Variants in USP24 observed in about 807,000 individuals in gnomAD.
The protein encoded by USP24 is ubiquitin carboxyl-terminal hydrolase 24.
A neutral mutation model predicts 361.6 loss-of-function variants in USP24; 97 were observed. The observed-to-expected ratio is 0.27, with a 90% confidence interval of 0.23 to 0.32. The LOEUF (loss-of-function observed/expected upper bound fraction) is 0.32, where lower values mean the gene tolerates loss of function less well. Among genes scored for constraint, USP24 ranks in the 10% least tolerant of loss-of-function variants. The pLI is 1.00. For missense variants in USP24, 2,353 were observed against 3,165.6 expected, an observed-to-expected ratio of 0.74 and a Z score of 6.16; for synonymous variants, 1,098 against 1,124.6, an observed-to-expected ratio of 0.98 and a Z score of 0.47.
At chr1:55,091,409 T>G (rs1645373815) in intron 54 of USP24, among the ~76,000 whole-genome samples, 2 of 152,178 alleles carry the variant, frequency 1.3e-5, no homozygotes, top group African/African-American at 4.8e-5. Context: ...AAAAATTGTC[T>G]TCCATGAAAC....
At chr1:55,165,821 T>C in intron 7 of USP24, 64 bp downstream of exon 7, 2 of 1,399,832 alleles carry the variant, frequency 1.4e-6, no homozygotes, top group Admixed American at 2.0e-5. Flanking sequence ...CCATATCCTC[T>C]GGCTGTACAC....
intron 32 of USP24, among the ~76,000 whole-genome samples, chr1:55,129,227 A>G (rs1321700828): frequency 6.6e-6 from 1 of 152,062 alleles, no homozygotes; most frequent in African/African-American, 2.4e-5. Flanking sequence ...CCTGGCTTCT[A>G]CTCTTCTTGA....
intron 1 of USP24, among the ~76,000 whole-genome samples, chr1:55,208,720 G>A (rs569843295): frequency 2.1e-3 from 310 of 151,154 alleles, no homozygotes; most frequent in African/African-American, 7.2e-3. Flanking sequence ...GGCGGATCAC[G>A]AGGTCAGGAG....
intron 39 of USP24, among the ~76,000 whole-genome samples, chr1:55,107,788 GCTGAGATCACGCCA>G (rs992060794): frequency 8.1e-6 from 1 of 123,826 alleles, no homozygotes; most frequent in African/African-American, 3.0e-5. Flanking sequence ...GTTGCAGTGA[GCTGAGATCACGCCA>G]CTGTACTCCA....
chr1:55,147,868 T>C (rs1003141164), intron 17 of USP24, 70 bp from the exon 18 acceptor site: 8 of 1,521,948 alleles, frequency 5.3e-6, no homozygotes, highest in African/African-American at 1.4e-5. Flanking sequence ...TAATACAAGC[T>C]GCTATTTAAA....
rs920697463 is a variant in USP24, at chr1:55,101,761, C to T, written c.5026-58G>A. ...GAAGAATGAGCATTTCTGCCACAGA[C>T]ACATTTACACTATAGCTATGCGGGA... On this transcript the variant is annotated intron_variant, in intron 42 of 67. Coordinates refer to ENST00000294383, the MANE Select transcript of USP24 (RefSeq NM_015306.3). 84 of 1,504,416 alleles carry T rather than the reference C, an allele frequency of 5.6e-5. No individual in the cohort carries two copies. In the Middle Eastern group the frequency reaches 1.2e-3, roughly 22 times the overall value. 93.2% of individuals were successfully genotyped at this position (1,504,416 alleles called of 1,614,324 possible). A position where few individuals can be genotyped will look rare whatever the true frequency, so the allele number is the denominator to read the frequency against.
At chr1:55,122,333 AGCAAGGAGCCCAGGGTG>A (rs931522001) in intron 36 of USP24, among the ~76,000 whole-genome samples, 4 of 152,214 alleles carry the variant, frequency 2.6e-5, no homozygotes, top group African/African-American at 7.2e-5. Context: ...CTGGGGGAAC[AGCAAGGAGCCCAGGGTG>A]GCCGAAGCAC....
chr1:55,136,347 C>T (rs1174094470), intron 28 of USP24, among the ~76,000 whole-genome samples: 1 of 152,122 alleles, frequency 6.6e-6, no homozygotes, highest in Non-Finnish European at 1.5e-5. Context: ...CTTGGAGAGG[C>T]TCCGGGGGAC....
rs1014078596 is a variant in USP24, at chr1:55,097,020, A to G, written c.5868T>C (p.Leu1956=). The part of the protein sequence containing the change: ...KKVALTENYE[L]VGVIVHSGQA... Reference sequence around the variant, plus strand: ...GCCCACTGTGTACGATGACACCGACAAGTTCATAGTTTTCTGTGAGGGCAA... The same window carrying G: ...GCCCACTGTGTACGATGACACCGACGAGTTCATAGTTTTCTGTGAGGGCAA... The change falls in exon 49 of 68, where the codon CTT becomes CTC. Residue 1956 remains leucine, a synonymous_variant. Transcript: ENST00000294383. 4 of 1,613,856 alleles carry G rather than the reference A, an allele frequency of 2.5e-6. No individual in the cohort carries two copies. The highest frequency in any genetic ancestry group is 2.2e-5 in the East Asian group (1 of 44,856).
rs578178194 is a variant in USP24 at position 55,076,720 on chromosome 1, AT to A, written c.7380+514del. 1.5e-4 allele frequency among the ~76,000 whole-genome samples: 23 copies of A among 151,656 alleles called. No individual in the cohort carries two copies. The South Asian group carries it at 2.7e-3, about 18-fold the overall frequency. ...CATCCTTCAATACAACTGCCAGAGGATTTTTTTTTCCCCTGCTCTTCACACT... is the reference window on the plus strand; with the variant it reads ...CATCCTTCAATACAACTGCCAGAGGATTTTTTTTCCCCTGCTCTTCACACT... On this transcript the variant is annotated intron_variant, in intron 62 of 67. Transcript: ENST00000294383.
At chr1:55,160,395 G>A (rs1277971662) in intron 8 of USP24, among the ~76,000 whole-genome samples, 1 of 152,148 alleles carries the variant, frequency 6.6e-6, no homozygotes, top group Non-Finnish European at 1.5e-5. Context: ...GAGCTGTTAT[G>A]GTTAAGAGAG....
chr1:55,185,230 G>A (rs1285076286), intron 1 of USP24, among the ~76,000 whole-genome samples: 1 of 151,992 alleles, frequency 6.6e-6, no homozygotes, highest in African/African-American at 2.4e-5. Context: ...TGGGATTACA[G>A]GTGTGAGCCA....
chr1:55,125,799 T>C, intron 32 of USP24, 41 bp from the exon 33 acceptor site: 12 of 1,488,318 alleles, frequency 8.1e-6, no homozygotes, highest in Non-Finnish European at 1.1e-5. Flanking sequence ...TAAAGACTTC[T>C]ATTTTTTTTC....
intron 8 of USP24, among the ~76,000 whole-genome samples, chr1:55,160,201 A>G (rs1268067007): frequency 6.6e-6 from 1 of 152,236 alleles, no homozygotes; most frequent in African/African-American, 2.4e-5. Context: ...CTATTAATAC[A>G]TCTAAATTAC....
Position 55,173,467 on chromosome 1 carries a change from C to T in USP24, c.559-947G>A, listed in dbSNP as rs186134013. On this transcript the variant is annotated intron_variant, in intron 3 of 67. Coordinates refer to ENST00000294383, the MANE Select transcript of USP24 (RefSeq NM_015306.3). ...TTCTGGTCTTTGGGGAAGTGTAGAA[C>T]AAGTGCCAGAACAAGAAATGAAAAA... Among the ~76,000 whole-genome samples the T allele has an allele frequency of 5.3e-5, 8 of 152,168 alleles. No homozygotes were observed. The East Asian group carries it at 1.5e-3, about 29-fold the overall frequency.
chr1:55,080,556 G>A (rs957551869), intron 59 of USP24, among the ~76,000 whole-genome samples: 1 of 151,952 alleles, frequency 6.6e-6, no homozygotes, highest in Admixed American at 6.6e-5. Flanking sequence ...TTTGTTACGG[G>A]GATCAAACAC....
chr1:55,075,404 G>A (rs570880360), intron 63 of USP24, 53 bp downstream of exon 63: 353 of 1,500,514 alleles, frequency 2.4e-4, no homozygotes, highest in Admixed American at 1.9e-3. Context: ...CAGAACAATA[G>A]ATTATCCACA....
chr1:55,110,323 T>C, intron 38 of USP24, 77 bp from the exon 39 acceptor site: 1 of 1,220,370 alleles, frequency 8.2e-7, no homozygotes, highest in Non-Finnish European at 1.1e-6. Context: ...TAAGAACAAA[T>C]TCATAAAACA....
intron 1 of USP24, among the ~76,000 whole-genome samples, chr1:55,200,565 A>G (rs1196279222): frequency 6.6e-6 from 1 of 152,208 alleles, no homozygotes; most frequent in East Asian, 1.9e-4. Context: ...AAGGAGAAAA[A>G]ATAAAGTGTC....
Sources: allele counts gnomAD v4.1 joint callset (sites outside exome capture counted in the v4.1 genomes callset), GRCh38; gene constraint gnomAD v4.1.1; transcripts MANE v1.5; gene names NCBI Gene and HGNC (gene_info 2026-07-23, HGNC 2026-07-21).